The following SKA1 variants were observed in gnomAD, a reference collection of about 807,000 sequenced individuals.
SKA1 encodes the protein spindle and kinetochore associated complex subunit 1, also known as SKA complex subunit 1.
Under a neutral mutation model 31.8 loss-of-function variants are expected in SKA1, and 20 were observed. The observed-to-expected ratio is 0.63, with a 90% confidence interval of 0.44 to 0.91. SKA1 has a LOEUF of 0.91. SKA1 is among the 40% of genes least tolerant of loss of function. The probability of loss-of-function intolerance (pLI) is 0.00; values close to 1 mark genes in which losing one functional copy is unlikely to be tolerated. For missense variants in SKA1, 253 were observed against 298.2 expected (o/e 0.85, Z 1.12); for synonymous variants, 88 against 100.5 (o/e 0.88, Z 0.74).
In SKA1 at chr18:50,385,337, T is replaced by A; in HGVS notation, c.433T>A (p.Phe145Ile). The A allele has an allele frequency of 6.2e-7, 1 of 1,608,712 alleles. No individual in the cohort carries two copies. Among genetic ancestry groups the A allele is most frequent in the Non-Finnish European group, 8.5e-7 (1 of 1,178,034 alleles). The part of the protein sequence containing the change: ...KEMPFITCDE[F>I]NGVPSYMKSR... ...AATGCCATTTATAACTTGTGATGAG[T>A]TCAATGGTGTTCCTTCGTAAGTATT... is the stretch of plus-strand genomic sequence containing the variant. The change falls in exon 5 of 7, where the codon TTC becomes ATC. Residue 145 changes from phenylalanine (F) to isoleucine (I), a missense_variant. Phe to Ile is a conservative substitution (Grantham distance 21, BLOSUM62 0). Transcript: ENST00000285116.
intron 4 of SKA1, among the ~76,000 whole-genome samples, chr18:50,382,567 G>A (rs1231235663): frequency 2.6e-5 from 4 of 151,536 alleles, no homozygotes; most frequent in Non-Finnish European, 4.4e-5. Flanking sequence ...ATTGAGTAGT[G>A]TTCTTGATCT....
chr18:50,382,099 G>T (rs371595514), intron 3 of SKA1, 30 bp from the exon 4 acceptor site: 5 of 1,258,548 alleles, frequency 4.0e-6, no homozygotes, highest in African/African-American at 3.2e-5. Context: ...GGAGGACAGA[G>T]ACTTATTTGT....
Position 50,390,530 on chromosome 18 carries a change from G to A in SKA1, c.450-594G>A, listed in dbSNP as rs111507427. ...GTGCTCTAAGGGAACTTGAGCTAGG[G>A]CATAGAAAACATCATGGCTATGCTT... is the stretch of plus-strand genomic sequence containing the variant. On this transcript the variant is annotated intron_variant, in intron 5 of 6. Transcript: ENST00000285116. Among the ~76,000 whole-genome samples, 466 of 152,296 alleles carry A rather than the reference G, an allele frequency of 3.1e-3. 3 individuals carry two copies. The highest frequency in any genetic ancestry group is 0.01 in the African/African-American group (418 of 41,546).
At chr18:50,377,650 T>C (rs1457085423) in intron 2 of SKA1, among the ~76,000 whole-genome samples, 2 of 152,214 alleles carry the variant, frequency 1.3e-5, no homozygotes, top group East Asian at 3.8e-4. Context: ...CCTAACCTTA[T>C]CTGGGAGGGT....
intron 2 of SKA1, 40 bp from the exon 3 acceptor site, chr18:50,380,086 C>A (rs1367745076): frequency 6.9e-7 from 1 of 1,456,852 alleles, no homozygotes; most frequent in African/African-American, 1.5e-5. Context: ...TACTGCTTTT[C>A]TATACACTTT....
intron 4 of SKA1, 77 bp downstream of exon 4, chr18:50,382,303 T>G: frequency 1.2e-6 from 1 of 835,626 alleles, no homozygotes; most frequent in Non-Finnish European, 1.8e-6. Flanking sequence ...CCTTTTGTTC[T>G]TTCATATACT....
Position 50,375,926 on chromosome 18 carries a change from A to C in SKA1, c.88+8A>C. On this transcript the variant is annotated splice_region_variant and intron_variant, in intron 2 of 6. Transcript: ENST00000285116. ...TATCATTAAGAAACTGTGGTAAGTA[A>C]AACAGATTCCACTGACTTTGTATAT... 6.6e-7 allele frequency: 1 copy of C among 1,521,034 alleles called. No homozygotes were observed. 94.2% of individuals were successfully genotyped at this position (1,521,034 alleles called of 1,614,324 possible). A position where few individuals can be genotyped will look rare whatever the true frequency, so the allele number is the denominator to read the frequency against.
intron 5 of SKA1, among the ~76,000 whole-genome samples, chr18:50,389,637 TCCA>T (rs2041341619): frequency 6.6e-6 from 1 of 152,134 alleles, no homozygotes; most frequent in South Asian, 2.1e-4. Context: ...CCTCAAGTGA[TCCA>T]CCTGCCTCGG....
At chr18:50,382,015 G>A (rs1226681556) in intron 3 of SKA1, 114 bp from the exon 4 acceptor site, 8 of 665,510 alleles carry the variant, frequency 1.2e-5, no homozygotes, top group Non-Finnish European at 2.0e-5. Context: ...ATGAGCCACC[G>A]CGTCCAGCCA....
intron 2 of SKA1, among the ~76,000 whole-genome samples, chr18:50,377,874 C>T (rs1294249380): frequency 1.3e-5 from 2 of 151,874 alleles, no homozygotes; most frequent in African/African-American, 4.8e-5. Flanking sequence ...ATACATTTTA[C>T]AGTTTATGGT....
At chr18:50,390,161 A>C (rs1364403353) in intron 5 of SKA1, among the ~76,000 whole-genome samples, 1 of 152,200 alleles carries the variant, frequency 6.6e-6, no homozygotes, top group African/African-American at 2.4e-5. Context: ...TTGTGGTTAG[A>C]AAAAACAGGA....
intron 4 of SKA1, among the ~76,000 whole-genome samples, chr18:50,382,588 G>A (rs958206508): frequency 1.3e-5 from 2 of 151,550 alleles, no homozygotes; most frequent in Non-Finnish European, 2.9e-5. Context: ...CTGCCTACTA[G>A]ATTCTGGTAG....
At chr18:50,390,199 G>A (rs915144923) in intron 5 of SKA1, among the ~76,000 whole-genome samples, 3 of 151,960 alleles carry the variant, frequency 2.0e-5, no homozygotes, top group Non-Finnish European at 4.4e-5. Flanking sequence ...GAAAAGAGAG[G>A]AATAATGAAA....
Position 50,392,202 on chromosome 18 carries a change from A to C in SKA1, c.723A>C (p.Leu241=), listed in dbSNP as rs756011159. Residue 241 remains leucine, a synonymous_variant, in exon 7 of 7, where the codon CTA becomes CTC. Transcript: ENST00000285116. ...ATATTTTACGACACTGCCGGAGGCTATCAGAGGTCCGAGGGGGAGGACTTA... is the reference window on the plus strand; with the variant it reads ...ATATTTTACGACACTGCCGGAGGCTCTCAGAGGTCCGAGGGGGAGGACTTA... ...LLNILRHCRR[L]SEVRGGGLTR... 1 of 1,604,758 alleles carries C rather than the reference A, an allele frequency of 6.2e-7. No homozygotes were observed. The highest frequency in any genetic ancestry group is 8.5e-7 in the Non-Finnish European group (1 of 1,178,050).
rs2041250518 is a variant in SKA1 at position 50,379,979 on chromosome 18, A to G, written c.89-147A>G. On this transcript the variant is annotated intron_variant, in intron 2 of 6. Transcript: ENST00000285116. Reference sequence around the variant, plus strand: ...TAGAAATGAGGTTTCAGGATTGTCCATGGAGTCATTTTCTAGGGGCTAAAG... The same window carrying G: ...TAGAAATGAGGTTTCAGGATTGTCCGTGGAGTCATTTTCTAGGGGCTAAAG... 1.1e-5 allele frequency: 6 copies of G among 545,204 alleles called. No homozygotes were observed. In the South Asian group the frequency reaches 1.2e-4, roughly 10 times the overall value. The allele number at this position is 545,204 out of a possible 1,614,324, so 33.8% of individuals were successfully genotyped here.
At chr18:50,381,138 C>T (rs2041258689) in intron 3 of SKA1, among the ~76,000 whole-genome samples, 1 of 152,172 alleles carries the variant, frequency 6.6e-6, no homozygotes, top group Admixed American at 6.5e-5. Flanking sequence ...TAGGTGTGGG[C>T]CTAGAGAATG....
In SKA1 at chr18:50,392,390, C is replaced by G; in HGVS notation, c.*143C>G. On this transcript the variant is annotated 3_prime_UTR_variant, in exon 7 of 7. Coordinates refer to ENST00000285116, the MANE Select transcript of SKA1 (RefSeq NM_145060.4). ...TTGAGACAGGATCTTGCTTTGTCAC[C>G]CAGGGGCTTGCTTTGTCACGCAGGC... The G allele has an allele frequency of 2.0e-6, 1 of 512,810 alleles. No individual in the cohort carries two copies. Among genetic ancestry groups the G allele is most frequent in the Non-Finnish European group, 2.9e-6 (1 of 345,712 alleles). The allele number at this position is 512,810 out of a possible 1,614,324, so 31.8% of individuals were successfully genotyped here.
At chr18:50,375,360 C>A (rs2041205691) in intron 1 of SKA1, 166 bp downstream of exon 1, 1 of 152,650 alleles carries the variant, frequency 6.6e-6, no homozygotes, top group South Asian at 2.1e-4. Context: ...GGGTGGGAAA[C>A]TGGTTCTTTC....
intron 4 of SKA1, 90 bp downstream of exon 4, chr18:50,382,316 C>A (rs1220110412): frequency 4.2e-6 from 3 of 713,674 alleles, no homozygotes; most frequent in African/African-American, 1.9e-5. Context: ...CATATACTTG[C>A]AGTTTTGTCA....
Sources: allele counts gnomAD v4.1 joint callset (sites outside exome capture counted in the v4.1 genomes callset), GRCh38; gene constraint gnomAD v4.1.1; transcripts MANE v1.5; gene names NCBI Gene and HGNC (gene_info 2026-07-23, HGNC 2026-07-21).